The following RIPOR3 variants were observed in gnomAD, a reference collection of about 807,000 sequenced individuals.
The protein encoded by RIPOR3 is RIPOR family member 3, also known as family with sequence similarity 65 member C.
In RIPOR3, 95 loss-of-function variants were observed where a neutral mutation model predicts 114.3. That is an observed-to-expected ratio of 0.83 (90% CI 0.70 to 0.99). The LOEUF is 0.99. Among genes scored for constraint, RIPOR3 ranks in the 50% least tolerant of loss-of-function variants. The pLI, the probability that RIPOR3 is intolerant of heterozygous loss-of-function variation, is 0.00. For missense variants in RIPOR3, 1,252 were observed against 1,266.9 expected (o/e 0.99, Z 0.18); for synonymous variants, 575 against 543.8 (o/e 1.06, Z -0.80).
chr20:50,684,980 A>G (rs2086966923), intron 1 of RIPOR3, among the ~76,000 whole-genome samples: 1 of 152,132 alleles, frequency 6.6e-6, no homozygotes, highest in Non-Finnish European at 1.5e-5. Flanking sequence ...AGGTCTTGCT[A>G]TGTTGACCAG....
chr20:50,691,462 C>G lies in RIPOR3; in HGVS notation c.-334G>C, dbSNP rs1020349730. 1 of 217,648 alleles carries G rather than the reference C, an allele frequency of 4.6e-6. No individual in the cohort carries two copies. Among genetic ancestry groups the G allele is most frequent in the Non-Finnish European group, 9.5e-6 (1 of 105,760 alleles). 13.5% of individuals were successfully genotyped at this position (217,648 alleles called of 1,614,324 possible). On this transcript the variant is annotated 5_prime_UTR_variant, in exon 1 of 22. Coordinates refer to ENST00000327979, the MANE Select transcript of RIPOR3 (RefSeq NM_001290268.2). ...GGTTCCAGGAAGCCCTCCTGGGGCC[C>G]CCCAGCCGGCCCCGCTCCCCCCGGA... is the stretch of plus-strand genomic sequence containing the variant.
At chr20:50,639,241 C>CA (rs796792187) in intron 1 of RIPOR3, among the ~76,000 whole-genome samples, 168 of 136,438 alleles carry the variant, frequency 1.2e-3, no homozygotes, top group South Asian at 2.3e-3. Context: ...GACTCCAACT[C>CA]AAAAAAAAAA....
At chr20:50,638,698 A>G (rs2085082531) in intron 1 of RIPOR3, among the ~76,000 whole-genome samples, 2 of 151,772 alleles carry the variant, frequency 1.3e-5, no homozygotes, top group African/African-American at 4.9e-5. Context: ...GAAGGAAGAT[A>G]AAGATGGGGT....
intron 3 of RIPOR3, 94 bp from the exon 4 acceptor site, chr20:50,616,174 G>A: frequency 7.7e-7 from 1 of 1,298,404 alleles, no homozygotes. Context: ...GTGGAGAGCA[G>A]ACACGGGGCT....
At chr20:50,664,829 C>A (rs565497247) in intron 1 of RIPOR3, among the ~76,000 whole-genome samples, 1 of 152,114 alleles carries the variant, frequency 6.6e-6, no homozygotes, top group Non-Finnish European at 1.5e-5. Context: ...CGGCTGGGCA[C>A]GGTGGCTCAC....
intron 13 of RIPOR3, among the ~76,000 whole-genome samples, chr20:50,598,148 CCAA>C (rs1347527699): frequency 6.6e-6 from 1 of 152,194 alleles, no homozygotes; most frequent in African/African-American, 2.4e-5. Flanking sequence ...CTTTGAAATA[CCAA>C]CAACAAATTT....
chr20:50,686,629 G>A (rs2087034506), intron 1 of RIPOR3, among the ~76,000 whole-genome samples: 1 of 151,692 alleles, frequency 6.6e-6, no homozygotes, highest in South Asian at 2.1e-4. Context: ...GGCACCTGTA[G>A]TCCCAGCTAC....
At position 50,602,308 on chromosome 20, in the gene RIPOR3, T is replaced by G; in HGVS notation, c.1423A>C (p.Asn475His). 1 of 1,613,696 alleles carries G rather than the reference T, an allele frequency of 6.2e-7. No individual in the cohort carries two copies. The highest frequency in any genetic ancestry group is 8.5e-7 in the Non-Finnish European group (1 of 1,179,924). Reference protein sequence around the residue: ...GPFAEQPGWRNLGGESPSLPQ... With the variant: ...GPFAEQPGWRHLGGESPSLPQ... ...AGGCTGGGGCTCTCCCCTCCTAAGT[T>G]CCTCCAGCCAGGCTGCTCTGCAAAC... The change falls in exon 13 of 22, where the codon AAC becomes CAC. Residue 475 changes from asparagine to histidine, a missense_variant. Physicochemically the swap from Asn to His is moderately conservative, Grantham distance 68. Coordinates refer to ENST00000327979, the MANE Select transcript of RIPOR3 (RefSeq NM_001290268.2). The surrounding 1 kb of genome is among the most constrained non-coding windows in gnomAD (Gnocchi z 4.3).
intron 2 of RIPOR3, among the ~76,000 whole-genome samples, chr20:50,624,267 AG>A (rs2123195793): frequency 6.6e-6 from 1 of 152,252 alleles, no homozygotes; most frequent in South Asian, 2.1e-4. Flanking sequence ...TGCCATCTTG[AG>A]GCTGGCAGAG....
intron 1 of RIPOR3, among the ~76,000 whole-genome samples, chr20:50,688,891 G>T (rs192666763): frequency 3.6e-4 from 55 of 152,304 alleles, no homozygotes; most frequent in Non-Finnish European, 5.9e-4. Context: ...ACCCTGGGGG[G>T]AGCACTGAGG....
intron 1 of RIPOR3, among the ~76,000 whole-genome samples, chr20:50,679,677 G>A (rs1434153622): frequency 6.6e-6 from 1 of 151,080 alleles, no homozygotes; most frequent in East Asian, 1.9e-4. Flanking sequence ...GCTGAGGCAG[G>A]AGAATCACTT....
At chr20:50,679,144 A>ATATATG (rs1182135102) in intron 1 of RIPOR3, among the ~76,000 whole-genome samples, 1 of 115,920 alleles carries the variant, frequency 8.6e-6, no homozygotes, top group Non-Finnish European at 1.8e-5. Flanking sequence ...AAATATATAT[A>ATATATG]TATATACACA....
chr20:50,604,694 T>C lies in RIPOR3; in HGVS notation c.1037A>G (p.Tyr346Cys), dbSNP rs1432941262. 6.2e-7 allele frequency: 1 copy of C among 1,609,446 alleles called. No homozygotes were observed. The highest frequency in any genetic ancestry group is 1.1e-5 in the South Asian group (1 of 90,730). The change falls in exon 12 of 22, where the codon TAC becomes TGC. Residue 346 changes from tyrosine to cysteine, a missense_variant. Transcript: ENST00000327979. ...FSMGSRKGSL[Y>C]NWTPPSTPSF... Reference sequence around the variant, plus strand: ...GGGGGTGCTCGGGGGTGTCCAGTTGTACAAGGAGCCCTTCCTGCTGCCCAT... The same window carrying C: ...GGGGGTGCTCGGGGGTGTCCAGTTGCACAAGGAGCCCTTCCTGCTGCCCAT...
chr20:50,617,653 T>C (rs980016978), intron 3 of RIPOR3, among the ~76,000 whole-genome samples: 3 of 132,384 alleles, frequency 2.3e-5, no homozygotes, highest in Non-Finnish European at 4.7e-5. Context: ...TTTTTTTGAG[T>C]CTTGCTCTGT....
intron 11 of RIPOR3, among the ~76,000 whole-genome samples, chr20:50,604,999 T>C (rs114712757): frequency 0.014 from 2,093 of 152,342 alleles, 32 homozygotes; most frequent in East Asian, 0.033. Flanking sequence ...CACAGCTCAC[T>C]GCATCCTTGA....
At chr20:50,661,750 G>A (rs1223250519) in intron 1 of RIPOR3, among the ~76,000 whole-genome samples, 1 of 152,170 alleles carries the variant, frequency 6.6e-6, no homozygotes, top group African/African-American at 2.4e-5. Context: ...AGGGCAGGTC[G>A]GGGCCTGGGA....
intron 4 of RIPOR3, among the ~76,000 whole-genome samples, 181 bp from the exon 5 acceptor site, chr20:50,611,385 A>G (rs377276827): frequency 1.6e-4 from 24 of 152,364 alleles, no homozygotes; most frequent in Admixed American, 1.2e-3. Flanking sequence ...CGCCAAGGAC[A>G]GCACTGATTA....
In RIPOR3 at chr20:50,645,119, G is replaced by A. The variant is rs191786200; in HGVS notation, c.4-14263C>T. 1.1e-3 allele frequency among the ~76,000 whole-genome samples: 162 copies of A among 152,268 alleles called. 1 individual carries two copies. The highest frequency in any genetic ancestry group is 3.7e-3 in the African/African-American group (155 of 41,560). ...AGCCTTCCAAAGTGCTGGGATTACA[G>A]GCATGAGCCACTGCGCCTGGCCCCC... On this transcript the variant is annotated intron_variant, in intron 1 of 21. Coordinates refer to ENST00000327979, the MANE Select transcript of RIPOR3 (RefSeq NM_001290268.2).
intron 11 of RIPOR3, among the ~76,000 whole-genome samples, chr20:50,607,243 GTCT>G (rs2083756741): frequency 6.6e-6 from 1 of 152,120 alleles, no homozygotes; most frequent in Non-Finnish European, 1.5e-5. Flanking sequence ...CAGACCCCTT[GTCT>G]GTAAAAGGGG....
Sources: gnomAD v4.1 joint callset for allele counts (sites outside exome capture counted in the v4.1 genomes callset) on GRCh38, gnomAD v4.1.1 for gene constraint, Gnocchi (gnomAD v3.1) non-coding constraint, MANE v1.5 for transcripts, NCBI Gene and HGNC (gene_info 2026-07-23, HGNC 2026-07-21) for gene names.